The following CDH12 variants were observed in gnomAD, a reference collection of about 807,000 sequenced individuals.
CDH12 encodes cadherin 12, also known as cadherin-12.
Under a neutral mutation model 74.1 loss-of-function variants are expected in CDH12, and 41 were observed. The observed-to-expected ratio is 0.55, with a 90% CI of 0.43 to 0.72. The LOEUF (loss-of-function observed/expected upper bound fraction) is 0.72, where lower values mean the gene tolerates loss of function less well. Ranked by LOEUF, CDH12 falls within the 30% of genes least tolerant of loss-of-function variation. CDH12 has a pLI of 0.00. For synonymous variants in CDH12, 399 were observed against 355.0 expected, an observed-to-expected ratio of 1.12 and a Z score of -1.39; for missense variants, 945 against 977.2, an observed-to-expected ratio of 0.97 and a Z score of 0.44.
intron 5 of CDH12, among the ~76,000 whole-genome samples, chr5:22,058,343 C>A (rs183044254): frequency 6.6e-6 from 1 of 152,286 alleles, no homozygotes; most frequent in African/African-American, 2.4e-5. Flanking sequence ...AGGCATGAGC[C>A]ACTGCACCCA....
intron 7 of CDH12, among the ~76,000 whole-genome samples, chr5:21,847,062 G>A (rs112814202): frequency 0.013 from 2,000 of 152,148 alleles, 40 homozygotes; most frequent in African/African-American, 0.045. Flanking sequence ...AGGTTGGAGC[G>A]TAAGCCAGGT....
intron 5 of CDH12, among the ~76,000 whole-genome samples, chr5:22,072,528 TTTTGTGTG>T (rs944015604): frequency 7.5e-6 from 1 of 133,576 alleles, no homozygotes; most frequent in Non-Finnish European, 1.6e-5. Flanking sequence ...ATTATAGCAC[TTTTGTGTG>T]TGTGTGTGTG....
At chr5:21,819,309 G>T (rs1230857846) in intron 8 of CDH12, among the ~76,000 whole-genome samples, 1 of 151,956 alleles carries the variant, frequency 6.6e-6, no homozygotes. Flanking sequence ...GTTTAATGAG[G>T]CAAGAAAGCA....
chr5:21,838,458 G>A (rs1007680932), intron 8 of CDH12, among the ~76,000 whole-genome samples: 2 of 152,098 alleles, frequency 1.3e-5, no homozygotes, highest in African/African-American at 4.8e-5. Context: ...TACTTGGGAG[G>A]CTGAGACAGG....
At chr5:22,512,536 C>T (rs779578033) in intron 1 of CDH12, among the ~76,000 whole-genome samples, 1 of 152,154 alleles carries the variant, frequency 6.6e-6, no homozygotes, top group Non-Finnish European at 1.5e-5. Context: ...GTCATTTCAG[C>T]TAACCTAAGA....
chr5:22,525,463 G>T (rs1737225227), intron 1 of CDH12, among the ~76,000 whole-genome samples: 1 of 150,878 alleles, frequency 6.6e-6, no homozygotes, highest in Admixed American at 6.6e-5. Context: ...TATGCTTTCT[G>T]GAGAGAGAGA....
intron 1 of CDH12, among the ~76,000 whole-genome samples, chr5:22,695,681 AT>A (rs746946662): frequency 1.7e-4 from 26 of 152,268 alleles, no homozygotes; most frequent in Admixed American, 3.9e-4. Flanking sequence ...AAACATAGCA[AT>A]TTTTTTATTG....
At chr5:22,108,308 C>A (rs537773491) in intron 4 of CDH12, among the ~76,000 whole-genome samples, 23 of 152,196 alleles carry the variant, frequency 1.5e-4, no homozygotes, top group Non-Finnish European at 2.8e-4. Flanking sequence ...GAGGACTCCC[C>A]AGCTATGTGG....
At chr5:22,166,328 A>G (rs1368360746) in intron 4 of CDH12, among the ~76,000 whole-genome samples, 4 of 152,156 alleles carry the variant, frequency 2.6e-5, no homozygotes, top group African/African-American at 9.7e-5. Flanking sequence ...TGAATATCTG[A>G]CTGCACTGGG....
chr5:22,500,177 C>T (rs988560620), intron 2 of CDH12, among the ~76,000 whole-genome samples: 1 of 152,234 alleles, frequency 6.6e-6, no homozygotes, highest in Non-Finnish European at 1.5e-5. Context: ...ATCTTCAACA[C>T]AAAATGAAAC....
intron 1 of CDH12, among the ~76,000 whole-genome samples, chr5:22,687,799 G>A (rs185982142): frequency 6.6e-6 from 1 of 152,198 alleles, no homozygotes; most frequent in African/African-American, 2.4e-5. Context: ...CAAATGATGT[G>A]TCCTCTATTA....
At chr5:22,357,134 G>A (rs957109396) in intron 3 of CDH12, among the ~76,000 whole-genome samples, 1 of 152,096 alleles carries the variant, frequency 6.6e-6, no homozygotes, top group Non-Finnish European at 1.5e-5. Context: ...GAGAGAAATT[G>A]ATAGTACAAA....
intron 4 of CDH12, among the ~76,000 whole-genome samples, chr5:22,165,961 T>C (rs2150323574): frequency 6.6e-6 from 1 of 152,176 alleles, no homozygotes; most frequent in East Asian, 1.9e-4. Flanking sequence ...ATCAAGAAAA[T>C]AATATAAAAA....
At chr5:22,038,101 C>T (rs1057461358) in intron 5 of CDH12, among the ~76,000 whole-genome samples, 9 of 152,122 alleles carry the variant, frequency 5.9e-5, no homozygotes. Context: ...GACACTGTGC[C>T]CTACCCCCTG....
intron 1 of CDH12, among the ~76,000 whole-genome samples, chr5:22,698,724 TA>T (rs2126956012): frequency 5.7e-5 from 1 of 17,446 alleles, no homozygotes; most frequent in African/African-American, 2.3e-4. Flanking sequence ...TATATATATA[TA>T]TATATATATA....
At chr5:22,146,923 T>C (rs183193055) in intron 4 of CDH12, among the ~76,000 whole-genome samples, 8 of 152,250 alleles carry the variant, frequency 5.3e-5, no homozygotes, top group African/African-American at 1.7e-4. Context: ...CAAGACCACA[T>C]GAAATAGGAT....
intron 1 of CDH12, among the ~76,000 whole-genome samples, chr5:22,839,982 T>C (rs566993236): frequency 5.2e-4 from 79 of 152,260 alleles, no homozygotes; most frequent in Non-Finnish European, 8.8e-4. Flanking sequence ...ACCACAAAAT[T>C]AGTCACACAC....
In CDH12 at chr5:22,737,517, C is replaced by T. The variant is rs535690757; in HGVS notation, c.-523+115541G>A. 8.6e-5 allele frequency among the ~76,000 whole-genome samples: 13 copies of T among 151,498 alleles called. No individual in the cohort carries two copies. The South Asian group carries it at 2.7e-3, about 32-fold the overall frequency. Reference sequence around the variant, plus strand: ...CGTATTTGCGTAATAAAAATTATAACGTGAGAAAAATAGTTAATAAGACTT... The same window carrying T: ...CGTATTTGCGTAATAAAAATTATAATGTGAGAAAAATAGTTAATAAGACTT... On this transcript the variant is annotated intron_variant, in intron 1 of 14. Coordinates refer to ENST00000382254, the MANE Select transcript of CDH12 (RefSeq NM_004061.5).
chr5:22,840,256 G>T (rs1037029933), intron 1 of CDH12, among the ~76,000 whole-genome samples: 29 of 152,044 alleles, frequency 1.9e-4, no homozygotes, highest in African/African-American at 7.0e-4. Flanking sequence ...GAATAGCTGG[G>T]ACTACAGGTG....
Sources: allele counts gnomAD v4.1 joint callset (sites outside exome capture counted in the v4.1 genomes callset), GRCh38; gene constraint gnomAD v4.1.1; transcripts MANE v1.5; gene names NCBI Gene and HGNC (gene_info 2026-07-23, HGNC 2026-07-21).